LPA: variants seen among roughly 807,000 people sequenced by gnomAD.
The protein encoded by LPA is lipoprotein(a).
In LPA, 199 loss-of-function variants were observed where a neutral mutation model predicts 197.9. The ratio of observed to expected loss-of-function variants is 1.01; its 90% CI spans 0.90 to 1.13. LPA has a LOEUF of 1.13. Ranked by LOEUF, LPA falls within the 50% of genes most tolerant of loss-of-function variation. The pLI, the probability that LPA is intolerant of heterozygous loss-of-function variation, is 0.00. For synonymous variants in LPA, 715 were observed against 639.5 expected (o/e 1.12, Z -1.78); for missense variants, 1,853 against 1,785.8 (o/e 1.04, Z -0.68).
rs1562354556 is a variant in LPA at position 160,653,988 on chromosome 6, AATATAT to A, written c.50-3497_50-3492del. On this transcript the variant is annotated intron_variant, in intron 1 of 38. Transcript: ENST00000316300. ...ATATTATATATAATATATAATATAT[AATATAT>A]ATTATATATAATATATATTATATAT... Among the ~76,000 whole-genome samples, 2 of 17,540 alleles carry A rather than the reference AATATAT, an allele frequency of 1.1e-4. 1 individual carries two copies. Among genetic ancestry groups the A allele is most frequent in the Admixed American group, 2.3e-3 (2 of 888 alleles). The allele number at this position is 17,540 out of a possible 152,430, so 11.5% of individuals were successfully genotyped here.
chr6:160,654,151 A>G (rs761749086), intron 1 of LPA, among the ~76,000 whole-genome samples: 4 of 122,374 alleles, frequency 3.3e-5, no homozygotes, highest in Admixed American at 3.2e-4. Flanking sequence ...GTATTAACTC[A>G]GCGGATCACA....
At chr6:160,587,211 A>G (rs1778927744) in intron 24 of LPA, among the ~76,000 whole-genome samples, 1 of 152,216 alleles carries the variant, frequency 6.6e-6, no homozygotes. Flanking sequence ...CATGATGGTG[A>G]TGGATATGCT....
At chr6:160,552,525 A>C (rs1199523003) in intron 30 of LPA, among the ~76,000 whole-genome samples, 2 of 152,124 alleles carry the variant, frequency 1.3e-5, no homozygotes, top group African/African-American at 2.4e-5. Flanking sequence ...TAAAACTTTA[A>C]TTTTCCAAAG....
intron 27 of LPA, among the ~76,000 whole-genome samples, chr6:160,578,314 A>C (rs566171235): frequency 6.6e-6 from 1 of 152,038 alleles, no homozygotes; most frequent in South Asian, 2.1e-4. Flanking sequence ...TGCCCTTCCT[A>C]AAGACACCGT....
rs1027581642 is a variant in LPA, at chr6:160,606,614, G to A, written c.2648C>T (p.Ala883Val). Residue 883 changes from alanine to valine, a missense_variant, in exon 17 of 39, where the codon GCC becomes GTC. Physicochemically the swap from Ala to Val is moderately conservative, Grantham distance 64 (BLOSUM62 0). This residue lies in a region of LPA where 1,737 missense variants were observed against 1,504.4 expected (regional missense o/e 1.15). Transcript: ENST00000316300. ...NYCRNPDPVAAPYCYTRDPSV... is the reference protein window; with the variant it reads ...NYCRNPDPVAVPYCYTRDPSV... ...GGGATCCCTCGTATAACAATAAGGGGCTGCCACAGGATCTGGATTCCTGCA... is the reference window on the plus strand; with the variant it reads ...GGGATCCCTCGTATAACAATAAGGGACTGCCACAGGATCTGGATTCCTGCA... The A allele has an allele frequency of 8.7e-6, 14 of 1,613,796 alleles. No homozygotes were observed. Among genetic ancestry groups the A allele is most frequent in the Non-Finnish European group, 1.2e-5 (14 of 1,179,960 alleles).
chr6:160,620,580 A>G (rs1365211163), intron 12 of LPA, among the ~76,000 whole-genome samples: 4 of 107,702 alleles, frequency 3.7e-5, no homozygotes, highest in African/African-American at 9.0e-5. Context: ...TGTGATGTAC[A>G]AAAGTACATC....
chr6:160,577,412 T>C lies in LPA; in HGVS notation c.4472-117A>G, dbSNP rs1778705430. ...TGAAAATTATTACTATTCTTTTTTC[T>C]ACTAGTAGCAAAAGGATGTGAAAAG... On this transcript the variant is annotated intron_variant, in intron 27 of 38. Transcript: ENST00000316300. 3.3e-6 allele frequency: 3 copies of C among 914,694 alleles called. No individual in the cohort carries two copies. In the Admixed American group the frequency reaches 6.2e-5, roughly 19 times the overall value. 56.7% of individuals were successfully genotyped at this position (914,694 alleles called of 1,614,324 possible).
chr6:160,660,340 C>T (rs1780203907), intron 1 of LPA, among the ~76,000 whole-genome samples: 1 of 152,210 alleles, frequency 6.6e-6, no homozygotes, highest in Non-Finnish European at 1.5e-5. Flanking sequence ...CTCCTCCACT[C>T]ATGTCTAGCA....
At chr6:160,595,272 A>G in intron 21 of LPA, 82 bp downstream of exon 21, 1 of 1,533,532 alleles carries the variant, frequency 6.5e-7, no homozygotes, top group Non-Finnish European at 9.0e-7. Context: ...GTGAGCATGG[A>G]AGGCTTCTAT....
intron 30 of LPA, among the ~76,000 whole-genome samples, chr6:160,555,658 G>A (rs1369003199): frequency 1.3e-5 from 2 of 151,644 alleles, no homozygotes; most frequent in Admixed American, 6.6e-5. Flanking sequence ...ATGGCAAAAA[G>A]CCTTCATTTC....
intron 1 of LPA, among the ~76,000 whole-genome samples, chr6:160,661,056 G>T (rs971338758): frequency 1.3e-5 from 2 of 150,570 alleles, no homozygotes; most frequent in African/African-American, 4.9e-5. Context: ...CCATTGCAAG[G>T]CTACTGAGCA....
At chr6:160,560,726 A>G (rs780527600) in intron 28 of LPA, among the ~76,000 whole-genome samples, 1 of 150,134 alleles carries the variant, frequency 6.7e-6, no homozygotes, top group East Asian at 2.0e-4. Context: ...ATTTTTCTCC[A>G]TAGGTTGCTT....
chr6:160,653,360 A>G (rs1780039388), intron 1 of LPA, among the ~76,000 whole-genome samples: 1 of 152,148 alleles, frequency 6.6e-6, no homozygotes, highest in Non-Finnish European at 1.5e-5. Context: ...TAGTCAATAA[A>G]AAAAGAGAAA....
At position 160,595,531 on chromosome 6, in the gene LPA, G is replaced by A. The variant is rs1161269291; in HGVS notation, c.3292C>T (p.Leu1098=). 2 of 1,613,964 alleles carry A rather than the reference G, an allele frequency of 1.2e-6. No individual in the cohort carries two copies. The highest frequency in any genetic ancestry group is 1.7e-6 in the Non-Finnish European group (2 of 1,179,920). Residue 1098 remains leucine (L), a synonymous_variant, in exon 21 of 39, where the codon CTG becomes TTG. Coordinates refer to ENST00000316300, the MANE Select transcript of LPA (RefSeq NM_005577.4). ...GGATTCCTGCAGTAGTTCCTGGTCA[G>A]GCCACTGCAAATTTCAAAACAACAC... The part of the protein sequence containing the change: ...RTPENYPNAG[L]TRNYCRNPDA...
At chr6:160,650,254 A>G in intron 2 of LPA, 84 bp downstream of exon 2, 1 of 1,403,764 alleles carries the variant, frequency 7.1e-7, no homozygotes. Context: ...AAATTTAATC[A>G]TAAGAAGTTA....
chr6:160,611,532 A>T (rs76924353), intron 16 of LPA, 30 bp downstream of exon 16: 3 of 1,606,602 alleles, frequency 1.9e-6, no homozygotes, highest in South Asian at 1.1e-5. Context: ...TTGGCCCTTT[A>T]TTCTCTTATG....
In LPA at chr6:160,604,685, A is replaced by C. The variant is rs529010031; in HGVS notation, c.2945+361T>G. Among the ~76,000 whole-genome samples, 31 of 152,270 alleles carry C rather than the reference A, an allele frequency of 2.0e-4. No individual in the cohort carries two copies. In the East Asian group the frequency reaches 6.0e-3, roughly 29 times the overall value. On this transcript the variant is annotated intron_variant, in intron 18 of 38. Coordinates refer to ENST00000316300, the MANE Select transcript of LPA (RefSeq NM_005577.4). ...AACAGAAAACCCCAACAGAACCTTCACTTCAGGAATTGGAGTTTAGTTTAA... is the reference window on the plus strand; with the variant it reads ...AACAGAAAACCCCAACAGAACCTTCCCTTCAGGAATTGGAGTTTAGTTTAA...
At chr6:160,649,398 G>A (rs1308430920) in intron 2 of LPA, among the ~76,000 whole-genome samples, 1 of 152,134 alleles carries the variant, frequency 6.6e-6, no homozygotes, top group African/African-American at 2.4e-5. Flanking sequence ...ATGACTCGAG[G>A]AGATTTCTAT....
intron 29 of LPA, 128 bp from the exon 30 acceptor site, chr6:160,556,312 G>A: frequency 1.2e-6 from 1 of 814,650 alleles, no homozygotes. Context: ...CAAGCAGAAG[G>A]ACATGCTGAA....
Sources: gnomAD v4.1 joint callset for allele counts (sites outside exome capture counted in the v4.1 genomes callset) on GRCh38, gnomAD v4.1.1 for gene constraint, gnomAD v4.1.1 regional missense constraint, MANE v1.5 for transcripts, NCBI Gene and HGNC (gene_info 2026-07-23, HGNC 2026-07-21) for gene names.